The following TAX1BP1 variants were observed in gnomAD, a reference collection of about 807,000 sequenced individuals.
TAX1BP1 encodes the protein tax1-binding protein 1.
A neutral mutation model predicts 97.7 loss-of-function variants in TAX1BP1; 62 were observed. The observed-to-expected ratio is 0.63, with a 90% CI of 0.52 to 0.78. The LOEUF (loss-of-function observed/expected upper bound fraction) is 0.78, where lower values mean the gene tolerates loss of function less well. TAX1BP1 is among the 30% of genes least tolerant of loss of function. TAX1BP1 has a pLI of 0.00. For missense variants in TAX1BP1, 867 were observed against 916.1 expected, an observed-to-expected ratio of 0.95 and a Z score of 0.69; for synonymous variants, 340 against 304.2, an observed-to-expected ratio of 1.12 and a Z score of -1.23.
At chr7:27,801,841 T>A (rs1790150377) in intron 13 of TAX1BP1, among the ~76,000 whole-genome samples, 1 of 152,226 alleles carries the variant, frequency 6.6e-6, no homozygotes, top group East Asian at 1.9e-4. Flanking sequence ...TGACACAGAC[T>A]AACACTGACC....
chr7:27,816,950 C>T lies in TAX1BP1; in HGVS notation c.1997C>T (p.Ser666Phe). The change falls in exon 15 of 17, where the codon TCT becomes TTT. Residue 666 changes from serine to phenylalanine, a missense_variant. Physicochemically the swap from Ser to Phe is radical, Grantham distance 155. Coordinates refer to ENST00000396319, the MANE Select transcript of TAX1BP1 (RefSeq NM_006024.7). The part of the protein sequence containing the change: ...EIQRPPVRVP[S>F]WGLEDNVVCS... The stretch of plus-strand genomic sequence containing the variant: ...CAAAGGCCACCTGTCAGAGTCCCCT[C>T]TTGGGGACTGGAAGACAATGTTGTC... 2 of 1,613,974 alleles carry T rather than the reference C, an allele frequency of 1.2e-6. No homozygotes were observed. The highest frequency in any genetic ancestry group is 1.1e-5 in the South Asian group (1 of 91,074).
At chr7:27,743,268 A>G (rs1037027505) in intron 1 of TAX1BP1, among the ~76,000 whole-genome samples, 4 of 152,152 alleles carry the variant, frequency 2.6e-5, no homozygotes, top group African/African-American at 9.7e-5. Flanking sequence ...AAAATTGCTG[A>G]TTACATTTTT....
At chr7:27,789,387 C>T (rs1789611782) in intron 8 of TAX1BP1, among the ~76,000 whole-genome samples, 1 of 151,752 alleles carries the variant, frequency 6.6e-6, no homozygotes, top group Non-Finnish European at 1.5e-5. Flanking sequence ...ACTCTGAGGT[C>T]TCAATCTCTT....
At chr7:27,816,849 G>GTAA (rs1790786008) in intron 14 of TAX1BP1, 41 bp from the exon 15 acceptor site, 1 of 1,609,994 alleles carries the variant, frequency 6.2e-7, no homozygotes. Flanking sequence ...GTTAGTTGTA[G>GTAA]TAACCAGTTT....
intron 2 of TAX1BP1, among the ~76,000 whole-genome samples, chr7:27,753,290 A>G (rs952947359): frequency 2.0e-5 from 3 of 151,170 alleles, no homozygotes; most frequent in African/African-American, 7.3e-5. Flanking sequence ...ACAGAGCGAG[A>G]CTCCGTCTCA....
intron 5 of TAX1BP1, among the ~76,000 whole-genome samples, chr7:27,780,590 T>A (rs1789214885): frequency 6.6e-6 from 1 of 152,194 alleles, no homozygotes; most frequent in Non-Finnish European, 1.5e-5. Flanking sequence ...GCATTTAGTA[T>A]CTAATACATG....
Position 27,796,113 on chromosome 7 carries a change from C to A in TAX1BP1, c.1535-3C>A, listed in dbSNP as rs573457450. On this transcript the variant is annotated splice_polypyrimidine_tract_variant and splice_region_variant and intron_variant, in intron 11 of 16. Transcript: ENST00000396319. ...AACAGTCTTATATTCTGCCTTTCTA[C>A]AGCAGAGGCAGATTTTGACATAGTA... 1.9e-6 allele frequency: 3 copies of A among 1,603,318 alleles called. No individual in the cohort carries two copies. Among genetic ancestry groups the A allele is most frequent in the East Asian group, 2.2e-5 (1 of 44,680 alleles).
At chr7:27,817,829 G>A (rs1562743877) in intron 15 of TAX1BP1, among the ~76,000 whole-genome samples, 1 of 152,028 alleles carries the variant, frequency 6.6e-6, no homozygotes, top group East Asian at 1.9e-4. Context: ...AAGTACAGTG[G>A]TATCATGACC....
intron 13 of TAX1BP1, among the ~76,000 whole-genome samples, chr7:27,803,595 CTGCT>C (rs1231660955): frequency 3.9e-5 from 6 of 152,140 alleles, no homozygotes; most frequent in Non-Finnish European, 8.8e-5. Flanking sequence ...GTGTGGAAAA[CTGCT>C]TGTGTATTAT....
intron 1 of TAX1BP1, among the ~76,000 whole-genome samples, chr7:27,742,629 G>A (rs551569745): frequency 5.9e-5 from 9 of 152,164 alleles, no homozygotes; most frequent in South Asian, 2.1e-4. Context: ...ACACATACCC[G>A]GCAAATTTTT....
rs780308754 is a variant in TAX1BP1, at chr7:27,758,025, C to T, written c.163-6C>T. 1 of 1,598,302 alleles carries T rather than the reference C, an allele frequency of 6.3e-7. No homozygotes were observed. Among genetic ancestry groups the T allele is most frequent in the Non-Finnish European group, 8.5e-7 (1 of 1,171,886 alleles). ...TAAATCCGCCTTTTTTGTTATTTCC[C>T]TTTAGGTTGGATGGAGTACTGCTCG... On this transcript the variant is annotated splice_polypyrimidine_tract_variant and splice_region_variant and intron_variant, in intron 2 of 16. Transcript: ENST00000396319.
chr7:27,756,383 G>T (rs987103403), intron 2 of TAX1BP1, among the ~76,000 whole-genome samples: 7 of 152,106 alleles, frequency 4.6e-5, no homozygotes, highest in Non-Finnish European at 8.8e-5. Flanking sequence ...GCAATTTGAA[G>T]TGTAGTTCTA....
intron 13 of TAX1BP1, among the ~76,000 whole-genome samples, chr7:27,807,163 C>A (rs1045542962): frequency 7.9e-5 from 12 of 152,006 alleles, no homozygotes; most frequent in African/African-American, 2.9e-4. Context: ...ATTCTTTCCC[C>A]AACATTTGAC....
At position 27,815,629 on chromosome 7, in the gene TAX1BP1, C is replaced by G. The variant is rs900994411; in HGVS notation, c.1765-720C>G. Among the ~76,000 whole-genome samples, 5 of 152,214 alleles carry G rather than the reference C, an allele frequency of 3.3e-5. No individual in the cohort carries two copies. The South Asian group carries it at 8.3e-4, about 25-fold the overall frequency. ...CCTTGTTTTTGGTATCAGAATAATA[C>G]TGGCTTTGTAAAACAAGTTAGGAAA... On this transcript the variant is annotated intron_variant, in intron 13 of 16. Transcript: ENST00000396319.
At chr7:27,818,406 A>G (rs1583408072) in intron 15 of TAX1BP1, among the ~76,000 whole-genome samples, 2 of 152,250 alleles carry the variant, frequency 1.3e-5, no homozygotes, top group African/African-American at 4.8e-5. Context: ...TTACAACAAC[A>G]AAAATCACTT....
At chr7:27,778,678 C>G (rs1202238076) in intron 5 of TAX1BP1, among the ~76,000 whole-genome samples, 1 of 152,040 alleles carries the variant, frequency 6.6e-6, no homozygotes, top group Admixed American at 6.6e-5. Flanking sequence ...TCCTGGCCAA[C>G]ATGGTGAAAC....
Position 27,767,589 on chromosome 7 carries a change from T to C in TAX1BP1, c.453+1568T>C, listed in dbSNP as rs115917579. 5.4e-3 allele frequency among the ~76,000 whole-genome samples: 816 copies of C among 152,254 alleles called. 6 individuals are homozygous for C. The highest frequency in any genetic ancestry group is 0.015 in the African/African-American group (636 of 41,546). ...ATGATCAAGGTTTTTAGCTTTGTAT[T>C]TGAATGCCAGTCAAAGATGCTGAAA... On this transcript the variant is annotated intron_variant, in intron 4 of 16. Transcript: ENST00000396319.
At chr7:27,807,917 T>C (rs540491781) in intron 13 of TAX1BP1, among the ~76,000 whole-genome samples, 16 of 152,322 alleles carry the variant, frequency 1.1e-4, no homozygotes, top group African/African-American at 3.6e-4. Context: ...TATAATCATT[T>C]TGATACTCAG....
At chr7:27,743,756 T>G in intron 1 of TAX1BP1, among the ~76,000 whole-genome samples, 2 of 149,840 alleles carry the variant, frequency 1.3e-5, no homozygotes, top group Non-Finnish European at 3.0e-5. Context: ...TACAGTTAGT[T>G]TAGTATCTTT....
Sources: gnomAD v4.1 joint callset for allele counts (sites outside exome capture counted in the v4.1 genomes callset) on GRCh38, gnomAD v4.1.1 for gene constraint, MANE v1.5 for transcripts, NCBI Gene and HGNC (gene_info 2026-07-23, HGNC 2026-07-21) for gene names.